Variants in ANTXR1 observed in about 807,000 individuals in gnomAD.
ANTXR1 encodes anthrax toxin receptor 1.
A neutral mutation model predicts 78.1 loss-of-function variants in ANTXR1; 19 were observed. That is an observed-to-expected ratio of 0.24 (90% confidence interval 0.17 to 0.36). ANTXR1 has a LOEUF of 0.36. Ranked by LOEUF, ANTXR1 falls within the 10% of genes least tolerant of loss-of-function variation. The probability of loss-of-function intolerance (pLI) is 1.00; values close to 1 mark genes in which losing one functional copy is unlikely to be tolerated. For synonymous variants in ANTXR1, 273 were observed against 260.5 expected (o/e 1.05, Z -0.46); for missense variants, 518 against 718.6 (o/e 0.72, Z 3.19).
intron 3 of ANTXR1, among the ~76,000 whole-genome samples, chr2:69,061,421 T>G (rs1279389316): frequency 3.3e-5 from 5 of 151,868 alleles, no homozygotes; most frequent in Non-Finnish European, 7.4e-5. Context: ...ACTACTTCTC[T>G]GTAGAAATAA....
chr2:69,041,717 A>G (rs912026600), intron 2 of ANTXR1, among the ~76,000 whole-genome samples: 1 of 152,186 alleles, frequency 6.6e-6, no homozygotes, highest in African/African-American at 2.4e-5. Context: ...CAGACTCTTC[A>G]CTATCTTAGA....
chr2:69,015,290 G>C (rs1422586732), intron 1 of ANTXR1, among the ~76,000 whole-genome samples: 1 of 144,912 alleles, frequency 6.9e-6, no homozygotes, highest in Non-Finnish European at 1.5e-5. Flanking sequence ...AAAAAAACAG[G>C]TAAAAAGAGC....
At chr2:69,227,028 C>T (rs1300102037) in intron 17 of ANTXR1, among the ~76,000 whole-genome samples, 2 of 152,158 alleles carry the variant, frequency 1.3e-5, no homozygotes, top group Admixed American at 6.5e-5. Context: ...GATACTGGCT[C>T]ATGGTCTTAT....
chr2:69,115,478 A>G (rs1024518505), intron 10 of ANTXR1, among the ~76,000 whole-genome samples: 2 of 152,202 alleles, frequency 1.3e-5, no homozygotes, highest in African/African-American at 4.8e-5. Context: ...AAAATTTACA[A>G]AAGCCTATGA....
Position 69,013,715 on chromosome 2 carries a change from C to G in ANTXR1, c.152+64C>G. Reference sequence around the variant, plus strand: ...CGGGCGAAAACGCTTTCGCCCCGGGCCGGGCTCGTTGGCAGGGTCGCCTGG... The same window carrying G: ...CGGGCGAAAACGCTTTCGCCCCGGGGCGGGCTCGTTGGCAGGGTCGCCTGG... On this transcript the variant is annotated intron_variant, in intron 1 of 17. Transcript: ENST00000303714. The surrounding 1 kb of genome is among the most constrained non-coding windows in gnomAD (Gnocchi z 5.0). The G allele has an allele frequency of 6.4e-7, 1 of 1,550,742 alleles. No homozygotes were observed. Among genetic ancestry groups the G allele is most frequent in the East Asian group, 2.4e-5 (1 of 40,920 alleles).
chr2:69,119,596 G>C (rs1283885969), intron 10 of ANTXR1, among the ~76,000 whole-genome samples: 1 of 152,198 alleles, frequency 6.6e-6, no homozygotes, highest in Admixed American at 6.5e-5. Flanking sequence ...TCTGGCTTGC[G>C]GTGCAACCTT....
At position 69,196,681 on chromosome 2, in the gene ANTXR1, A is replaced by G. The variant is rs77479112; in HGVS notation, c.1434+3266A>G. On this transcript the variant is annotated intron_variant, in intron 17 of 17. Transcript: ENST00000303714. ...GCTGACCACATTTTCCATAAACTCA[A>G]AATGACTCCATCCAGGCATGTGCTC... Among the ~76,000 whole-genome samples the G allele has an allele frequency of 4.2e-3, 644 of 152,350 alleles. 5 individuals carry two copies. Among genetic ancestry groups the G allele is most frequent in the African/African-American group, 0.015 (620 of 41,576 alleles).
chr2:69,076,434 A>G (rs1315158952), intron 7 of ANTXR1, among the ~76,000 whole-genome samples: 1 of 152,246 alleles, frequency 6.6e-6, no homozygotes, highest in African/African-American at 2.4e-5. Context: ...AAGTTGTAAA[A>G]GCTTACTAGC....
chr2:69,060,988 T>C (rs1451001867), intron 3 of ANTXR1, among the ~76,000 whole-genome samples: 1 of 151,836 alleles, frequency 6.6e-6, no homozygotes, highest in Non-Finnish European at 1.5e-5. Context: ...CATATAAGAA[T>C]AGAAGGGAAG....
At chr2:69,195,608 CTATATGAAATTTTAA>C (rs767569338) in intron 17 of ANTXR1, among the ~76,000 whole-genome samples, 1 of 152,096 alleles carries the variant, frequency 6.6e-6, no homozygotes, top group Non-Finnish European at 1.5e-5. Context: ...GACCAAATTT[CTATATGAAATTTTAA>C]ATACAAACTC....
chr2:69,075,667 A>G lies in ANTXR1; in HGVS notation c.561+9A>G, dbSNP rs1465708422. 6.2e-7 allele frequency: 1 copy of G among 1,613,610 alleles called. No individual in the cohort carries two copies. The highest frequency in any genetic ancestry group is 2.2e-5 in the East Asian group (1 of 44,862). On this transcript the variant is annotated intron_variant, in intron 7 of 17. Transcript: ENST00000303714. ...ATTTCAATGAGACACAGGTATGGTA[A>G]TGGATTTCCTCAGGTTTGGAGCATA...
chr2:69,240,055 G>A (rs1017563622), intron 17 of ANTXR1, among the ~76,000 whole-genome samples: 3 of 152,256 alleles, frequency 2.0e-5, no homozygotes, highest in Admixed American at 6.5e-5. Flanking sequence ...GAACCTAGGA[G>A]ATGTCCAAGG....
Position 69,201,700 on chromosome 2 carries a change from G to A in ANTXR1, c.1434+8285G>A, listed in dbSNP as rs551522136. Reference sequence around the variant, plus strand: ...ACTGCCTGGGTGTAGAGGATGAGAGGGTAGAAAGTGTGAAGGAGGACCTCC... The same window carrying A: ...ACTGCCTGGGTGTAGAGGATGAGAGAGTAGAAAGTGTGAAGGAGGACCTCC... On this transcript the variant is annotated intron_variant, in intron 17 of 17. Coordinates refer to ENST00000303714, the MANE Select transcript of ANTXR1 (RefSeq NM_032208.3). Among the ~76,000 whole-genome samples the A allele has an allele frequency of 2.0e-4, 31 of 152,216 alleles. 1 individual carries two copies. The South Asian group carries it at 4.1e-3, about 20-fold the overall frequency.
At chr2:69,031,324 C>T (rs1671525829) in intron 1 of ANTXR1, among the ~76,000 whole-genome samples, 1 of 152,150 alleles carries the variant, frequency 6.6e-6, no homozygotes, top group South Asian at 2.1e-4. Flanking sequence ...AAGTTTTGAA[C>T]AAGAGACACT....
chr2:69,092,019 G>T (rs1432490127), intron 9 of ANTXR1, among the ~76,000 whole-genome samples: 1 of 152,194 alleles, frequency 6.6e-6, no homozygotes, highest in Non-Finnish European at 1.5e-5. Flanking sequence ...CTAGGTGCTG[G>T]AGATAAGGAA....
intron 12 of ANTXR1, among the ~76,000 whole-genome samples, chr2:69,133,307 G>C (rs1208870718): frequency 1.3e-5 from 2 of 152,206 alleles, no homozygotes; most frequent in African/African-American, 4.8e-5. Context: ...GCAGAGAACA[G>C]AATCAGGACT....
chr2:69,057,860 G>A (rs903616514), intron 3 of ANTXR1, among the ~76,000 whole-genome samples: 8 of 152,262 alleles, frequency 5.3e-5, no homozygotes, highest in Non-Finnish European at 2.9e-5. Context: ...CAAAGGAAAC[G>A]TTTTTAAAGG....
chr2:69,222,808 T>C (rs1237979109), intron 17 of ANTXR1, among the ~76,000 whole-genome samples: 1 of 152,244 alleles, frequency 6.6e-6, no homozygotes. Context: ...GCTGTGAGAC[T>C]CTGACATTTG....
intron 8 of ANTXR1, among the ~76,000 whole-genome samples, chr2:69,087,783 C>A (rs962913758): frequency 6.6e-6 from 1 of 152,160 alleles, no homozygotes; most frequent in African/African-American, 2.4e-5. Flanking sequence ...TCCCTACCCC[C>A]ACACAGTCTC....
Sources: gnomAD v4.1 joint callset for allele counts (sites outside exome capture counted in the v4.1 genomes callset) on GRCh38, gnomAD v4.1.1 for gene constraint, Gnocchi (gnomAD v3.1) non-coding constraint, MANE v1.5 for transcripts, NCBI Gene and HGNC (gene_info 2026-07-23, HGNC 2026-07-21) for gene names.